The following OSBPL10 variants were observed in gnomAD, a reference collection of about 807,000 sequenced individuals.
OSBPL10 encodes oxysterol binding protein like 10.
Under a neutral mutation model 81.7 loss-of-function variants are expected in OSBPL10, and 49 were observed. The observed-to-expected ratio is 0.60, with a 90% CI of 0.48 to 0.76. OSBPL10 has a LOEUF of 0.76. OSBPL10 is among the 30% of genes least tolerant of loss of function. The pLI, the probability that OSBPL10 is intolerant of heterozygous loss-of-function variation, is 0.00. For missense variants in OSBPL10, 923 were observed against 987.8 expected, an observed-to-expected ratio of 0.93 and a Z score of 0.88; for synonymous variants, 419 against 383.6, an observed-to-expected ratio of 1.09 and a Z score of -1.08.
intron 3 of OSBPL10, among the ~76,000 whole-genome samples, chr3:31,853,322 A>G (rs1343091533): frequency 1.3e-5 from 2 of 152,164 alleles, no homozygotes; most frequent in African/African-American, 4.8e-5. Context: ...CCTAACCCTC[A>G]GTGTAGTTCC....
intron 1 of OSBPL10, among the ~76,000 whole-genome samples, chr3:31,913,597 T>C (rs1259689857): frequency 1.3e-5 from 2 of 152,160 alleles, no homozygotes; most frequent in East Asian, 3.9e-4. Flanking sequence ...AATCAAACTA[T>C]TCAACCTCTT....
intron 3 of OSBPL10, among the ~76,000 whole-genome samples, chr3:31,842,387 A>G (rs1700521949): frequency 6.6e-6 from 1 of 152,190 alleles, no homozygotes; most frequent in Non-Finnish European, 1.5e-5. Flanking sequence ...CTCAGCAAAG[A>G]GCTTCTGGGC....
intron 2 of OSBPL10, among the ~76,000 whole-genome samples, chr3:32,039,744 C>G (rs1699554109): frequency 6.6e-6 from 1 of 151,966 alleles, no homozygotes; most frequent in African/African-American, 2.4e-5. Flanking sequence ...GTTTATAATT[C>G]AAAATACTCA....
intron 2 of OSBPL10, among the ~76,000 whole-genome samples, chr3:32,010,706 G>C (rs888200712): frequency 6.6e-6 from 1 of 152,204 alleles, no homozygotes; most frequent in Non-Finnish European, 1.5e-5. Context: ...GGAACAGGGT[G>C]ACAGATGGCA....
At chr3:31,877,120 TGG>T (rs1001466210) in intron 2 of OSBPL10, among the ~76,000 whole-genome samples, 1 of 152,174 alleles carries the variant, frequency 6.6e-6, no homozygotes, top group African/African-American at 2.4e-5. Flanking sequence ...TTAGCCAGGA[TGG>T]TCTCAATCTC....
intron 4 of OSBPL10, among the ~76,000 whole-genome samples, chr3:31,761,397 G>A (rs1698034418): frequency 6.6e-6 from 1 of 151,632 alleles, no homozygotes; most frequent in African/African-American, 2.4e-5. Flanking sequence ...GCTTGAACCT[G>A]GGAGGTGGAG....
chr3:31,693,415 G>C (rs1695615730), intron 7 of OSBPL10, among the ~76,000 whole-genome samples: 6 of 152,220 alleles, frequency 3.9e-5, no homozygotes. Flanking sequence ...GCCAAAAAGA[G>C]ACAACGTGGC....
intron 4 of OSBPL10, among the ~76,000 whole-genome samples, chr3:31,775,977 G>T (rs1056528746): frequency 2.6e-5 from 4 of 152,122 alleles, no homozygotes; most frequent in East Asian, 1.9e-4. Flanking sequence ...GGTCTCAGGA[G>T]TTGAAGGATG....
At chr3:31,920,507 T>C (rs1365944976) in intron 1 of OSBPL10, among the ~76,000 whole-genome samples, 1 of 152,206 alleles carries the variant, frequency 6.6e-6, no homozygotes, top group Non-Finnish European at 1.5e-5. Context: ...GTACTCTAGC[T>C]GATAAAGTTG....
Position 32,043,829 on chromosome 3 carries a change from G to A in OSBPL10, n.298+2662C>T, listed in dbSNP as rs188145744. ...ATGTAGGAACAGAAAACGAAATACC[G>A]CATGTTCTCTTATAAGTGAGAGCTA... On this transcript the variant is annotated intron_variant and non_coding_transcript_variant, in intron 2 of 3. Transcript: ENST00000479173. Among the ~76,000 whole-genome samples, 22 of 152,240 alleles carry A rather than the reference G, an allele frequency of 1.4e-4. No homozygotes were observed. The East Asian group carries it at 2.1e-3, about 15-fold the overall frequency.
rs1367613175 is a variant in OSBPL10, at chr3:31,683,712, T to C, written c.1648A>G (p.Arg550Gly). The C allele has an allele frequency of 6.2e-7, 1 of 1,614,082 alleles. No homozygotes were observed. The highest frequency in any genetic ancestry group is 1.3e-5 in the African/African-American group (1 of 74,938). ...CATACATGAGTGTTGACGCACAGTC[T>C]CTTCTCCTCGCACTCACAGTAGAAG... is the stretch of plus-strand genomic sequence containing the variant. Reference protein sequence around the residue: ...SCFYCECEEKRLCVNTHVWTK... With the variant: ...SCFYCECEEKGLCVNTHVWTK... The change falls in exon 8 of 12, where the codon AGA becomes GGA. Residue 550 changes from arginine to glycine, a missense_variant. Physicochemically the swap from Arg to Gly is moderately radical, Grantham distance 125 (BLOSUM62 -2). Transcript: ENST00000396556.
chr3:31,938,596 C>T (rs1016686121), intron 1 of OSBPL10, among the ~76,000 whole-genome samples: 1 of 152,084 alleles, frequency 6.6e-6, no homozygotes, highest in East Asian at 1.9e-4. Flanking sequence ...GCAGCCTTGA[C>T]CTCCTGGACT....
chr3:31,848,202 C>A (rs779378030), intron 3 of OSBPL10, among the ~76,000 whole-genome samples: 1 of 151,948 alleles, frequency 6.6e-6, no homozygotes, highest in Non-Finnish European at 1.5e-5. Context: ...CTATATACTC[C>A]GGCACAACCC....
At chr3:31,787,027 T>TA (rs1368999013) in intron 4 of OSBPL10, among the ~76,000 whole-genome samples, 1 of 152,230 alleles carries the variant, frequency 6.6e-6, no homozygotes, top group Non-Finnish European at 1.5e-5. Context: ...CAGGTTGTTC[T>TA]GGAATTAAAT....
chr3:31,707,145 G>A (rs371203252), intron 6 of OSBPL10: 3 of 152,192 alleles, frequency 2.0e-5, no homozygotes, highest in Non-Finnish European at 4.4e-5. Context: ...AGAAGCCTGC[G>A]TGGTTCCATT....
chr3:31,760,515 GTAAA>G (rs1231382649), intron 4 of OSBPL10, among the ~76,000 whole-genome samples: 3 of 152,180 alleles, frequency 2.0e-5, no homozygotes, highest in Non-Finnish European at 2.9e-5. Flanking sequence ...TAAATTCCAT[GTAAA>G]TAGTTATTAT....
intron 1 of OSBPL10, among the ~76,000 whole-genome samples, chr3:32,048,717 T>C (rs1246232989): frequency 1.3e-5 from 2 of 152,106 alleles, no homozygotes; most frequent in South Asian, 4.1e-4. Context: ...CCAGAGCAAC[T>C]CCATTTTGAA....
At chr3:31,784,531 AAC>A (rs1341173887) in intron 4 of OSBPL10, among the ~76,000 whole-genome samples, 2 of 152,214 alleles carry the variant, frequency 1.3e-5, no homozygotes, top group African/African-American at 4.8e-5. Context: ...GTTATGACAC[AAC>A]AGTGTTATTT....
At chr3:31,738,987 G>A (rs1159260287) in intron 5 of OSBPL10, among the ~76,000 whole-genome samples, 1 of 152,092 alleles carries the variant, frequency 6.6e-6, no homozygotes, top group East Asian at 1.9e-4. Context: ...CTACAGTCAG[G>A]CAAGTAAGAC....
Sources: gnomAD v4.1 joint callset for allele counts (sites outside exome capture counted in the v4.1 genomes callset) on GRCh38, gnomAD v4.1.1 for gene constraint, MANE v1.5 for transcripts, NCBI Gene and HGNC (gene_info 2026-07-23, HGNC 2026-07-21) for gene names.